Variants in MPV17 observed in about 807,000 individuals in gnomAD.
MPV17 encodes mitochondrial inner membrane protein MPV17.
MPV17 carries 31 observed loss-of-function variants against 28.6 expected under a neutral mutation model. That is an observed-to-expected ratio of 1.08 (90% CI 0.81 to 1.46). The LOEUF is 1.46. Ranked by LOEUF, MPV17 falls within the 40% of genes most tolerant of loss-of-function variation. MPV17 has a pLI of 0.00. For missense variants in MPV17, 198 were observed against 216.2 expected (o/e 0.92, Z 0.53); for synonymous variants, 87 against 85.3 (o/e 1.02, Z -0.11).
At chr2:27,314,200 C>T (rs1248221508) in intron 2 of MPV17, among the ~76,000 whole-genome samples, 10 of 152,060 alleles carry the variant, frequency 6.6e-5, no homozygotes, top group Non-Finnish European at 1.2e-4. Context: ...CACGGTGGCA[C>T]GTGCCTGTAG....
chr2:27,311,042 C>CGT (rs1679419587), intron 7 of MPV17: 1 of 70,554 alleles, frequency 1.4e-5, no homozygotes, highest in Non-Finnish European at 2.5e-5. Context: ...TGTGTCCAGC[C>CGT]TTTTTTTTTT....
chr2:27,316,992 A>G (rs1679678491), intron 2 of MPV17: 3 of 1,280,474 alleles, frequency 2.3e-6, no homozygotes, highest in Non-Finnish European at 3.2e-6. Flanking sequence ...CCTGCCCACT[A>G]GTGGAAAAGC....
At chr2:27,314,772 T>C (rs1000898238) in intron 2 of MPV17, among the ~76,000 whole-genome samples, 32 of 152,230 alleles carry the variant, frequency 2.1e-4, no homozygotes, top group Non-Finnish European at 2.1e-4. Context: ...ACACTGTCCC[T>C]GTGCCCTCAA....
intron 2 of MPV17, among the ~76,000 whole-genome samples, chr2:27,319,751 C>A (rs1679783599): frequency 6.6e-6 from 1 of 150,706 alleles, no homozygotes. Context: ...ATGGAGAAAG[C>A]CCATCTCTAC....
At chr2:27,310,069 G>C (rs1387500583) in intron 7 of MPV17, 88 bp from the exon 8 acceptor site, 1 of 1,015,432 alleles carries the variant, frequency 9.8e-7, no homozygotes, top group Non-Finnish European at 1.6e-6. Context: ...GCAAAGGAGG[G>C]ATCATGACAA....
intron 6 of MPV17, 25 bp downstream of exon 6, chr2:27,312,189 A>G (rs779935325): frequency 6.2e-7 from 1 of 1,612,228 alleles, no homozygotes; most frequent in South Asian, 1.1e-5. Flanking sequence ...GCAGGAGAAC[A>G]AGCAGTTGAG....
chr2:27,315,943 C>CTCAAGGAGGA lies in MPV17; in HGVS notation c.71-2844_71-2835dup, dbSNP rs1232303311. The CTCAAGGAGGA allele has an allele frequency of 4.8e-6, 7 of 1,457,928 alleles. No homozygotes were observed. The Admixed American group carries it at 1.8e-4, about 38-fold the overall frequency. The allele number at this position is 1,457,928 out of a possible 1,614,324, so 90.3% of individuals were successfully genotyped here. On this transcript the variant is annotated intron_variant, in intron 2 of 7. Coordinates refer to ENST00000380044, the MANE Select transcript of MPV17 (RefSeq NM_002437.5). ...AGTTGGAACTGAACCCAGGCCTTCT[C>CTCAAGGAGGA]TCAAGGAGGACCAAGGAGGCCAGGG... is the stretch of plus-strand genomic sequence containing the variant.
intron 1 of MPV17, among the ~76,000 whole-genome samples, chr2:27,322,757 A>C (rs529386435): frequency 2.6e-5 from 4 of 152,336 alleles, no homozygotes; most frequent in African/African-American, 9.6e-5. Flanking sequence ...AGCAGCCACC[A>C]GCCACCCCAA....
chr2:27,311,535 C>A, intron 7 of MPV17: 1 of 1,485,894 alleles, frequency 6.7e-7, no homozygotes, highest in Non-Finnish European at 9.2e-7. Context: ...TTGTGAGTGT[C>A]TGACCAGGCT....
At chr2:27,319,912 T>G in intron 2 of MPV17, among the ~76,000 whole-genome samples, 1 of 126,106 alleles carries the variant, frequency 7.9e-6, no homozygotes, top group South Asian at 2.5e-4. Context: ...GGTAACAGGG[T>G]GACACCTTAT....
At position 27,317,056 on chromosome 2, in the gene MPV17, C is replaced by T. The variant is rs1679680956; in HGVS notation, c.71-3947G>A. The T allele has an allele frequency of 2.0e-6, 3 of 1,538,118 alleles. No homozygotes were observed. The highest frequency in any genetic ancestry group is 2.8e-5 in the African/African-American group (2 of 72,578). On this transcript the variant is annotated intron_variant, in intron 2 of 7. Transcript: ENST00000380044. This position sits in a 1 kb window ranked among gnomAD's most constrained non-coding sequence, Gnocchi z 4.0. The stretch of plus-strand genomic sequence containing the variant: ...TGGGCAGGGTAAATTCCCTACTTCT[C>T]CTATTTTGTTCCTCTACTTACTTTT...
Position 27,317,349 on chromosome 2 carries a change from C to T in MPV17, c.71-4240G>A, listed in dbSNP as rs796378687. 13 of 930,988 alleles carry T rather than the reference C, an allele frequency of 1.4e-5. No homozygotes were observed. In the African/African-American group the frequency reaches 1.9e-4, roughly 13 times the overall value. The allele number at this position is 930,988 out of a possible 1,614,324, so 57.7% of individuals were successfully genotyped here. On this transcript the variant is annotated intron_variant, in intron 2 of 7. Coordinates refer to ENST00000380044, the MANE Select transcript of MPV17 (RefSeq NM_002437.5). This position sits in a 1 kb window ranked among gnomAD's most constrained non-coding sequence, Gnocchi z 4.0. ...ATCCTCTGGGATTATTCTGAATGCTCTCCCATTTCTGACCTGAACCCATCC... is the reference window on the plus strand; with the variant it reads ...ATCCTCTGGGATTATTCTGAATGCTTTCCCATTTCTGACCTGAACCCATCC...
At position 27,316,925 on chromosome 2, in the gene MPV17, A is replaced by T. The variant is rs1326859664; in HGVS notation, c.71-3816T>A. 4 of 703,464 alleles carry T rather than the reference A, an allele frequency of 5.7e-6. No individual in the cohort carries two copies. The East Asian group carries it at 1.1e-4, about 20-fold the overall frequency. 43.6% of individuals were successfully genotyped at this position (703,464 alleles called of 1,614,324 possible). Reference sequence around the variant, plus strand: ...TTCTCATGCCGTCACTCCCGAACAGATCCAGCGGCCAGGGGGAAGGGAGCC... The same window carrying T: ...TTCTCATGCCGTCACTCCCGAACAGTTCCAGCGGCCAGGGGGAAGGGAGCC... On this transcript the variant is annotated intron_variant, in intron 2 of 7. Coordinates refer to ENST00000380044, the MANE Select transcript of MPV17 (RefSeq NM_002437.5).
At chr2:27,310,137 C>T (rs1054187135) in intron 7 of MPV17, among the ~76,000 whole-genome samples, 156 bp from the exon 8 acceptor site, 9 of 152,092 alleles carry the variant, frequency 5.9e-5, no homozygotes, top group African/African-American at 2.2e-4. Flanking sequence ...ATGGAGTCTC[C>T]TCTGTTGCCC....
intron 2 of MPV17, among the ~76,000 whole-genome samples, chr2:27,313,719 CT>C (rs1012264050): frequency 3.3e-5 from 5 of 149,942 alleles, no homozygotes; most frequent in East Asian, 1.9e-4. Flanking sequence ...GCAAGAATAA[CT>C]TTTTTTTTTA....
chr2:27,311,681 G>A (rs1679444440), intron 7 of MPV17: 1 of 1,550,994 alleles, frequency 6.4e-7, no homozygotes, highest in Non-Finnish European at 8.7e-7. Context: ...ATCCTCCCTA[G>A]GGAGATGAAG....
rs1333814153 is a variant in MPV17 at position 27,317,770 on chromosome 2, A to G, written c.71-4661T>C. Among the ~76,000 whole-genome samples the G allele has an allele frequency of 6.6e-6, 1 of 152,236 alleles. No individual in the cohort carries two copies. Among genetic ancestry groups the G allele is most frequent in the Non-Finnish European group, 1.5e-5 (1 of 68,042 alleles). On this transcript the variant is annotated intron_variant, in intron 2 of 7. Coordinates refer to ENST00000380044, the MANE Select transcript of MPV17 (RefSeq NM_002437.5). The surrounding 1 kb of genome is among the most constrained non-coding windows in gnomAD (Gnocchi z 4.0). Reference sequence around the variant, plus strand: ...CCCACTGGAGAGTGGAAGGGCCCTCAAAGAAGGAAGGGATAAGGCTGACTC... The same window carrying G: ...CCCACTGGAGAGTGGAAGGGCCCTCGAAGAAGGAAGGGATAAGGCTGACTC...
At chr2:27,311,288 T>A (rs527890721) in intron 7 of MPV17, 9 of 379,864 alleles carry the variant, frequency 2.4e-5, no homozygotes, top group Non-Finnish European at 4.4e-5. Flanking sequence ...GTGAAACTCC[T>A]GGACTCAAGC....
chr2:27,312,284 C>T (rs927475461), intron 5 of MPV17, 38 bp from the exon 6 acceptor site: 17 of 1,605,838 alleles, frequency 1.1e-5, no homozygotes, highest in Admixed American at 1.7e-5. Context: ...ACACTTGCGC[C>T]TCCAAGCAGC....
Sources: gnomAD v4.1 joint callset for allele counts (sites outside exome capture counted in the v4.1 genomes callset) on GRCh38, gnomAD v4.1.1 for gene constraint, Gnocchi (gnomAD v3.1) non-coding constraint, MANE v1.5 for transcripts, NCBI Gene and HGNC (gene_info 2026-07-23, HGNC 2026-07-21) for gene names.